LDLRAD4: variants seen among roughly 807,000 people sequenced by gnomAD.
LDLRAD4 encodes low density lipoprotein receptor class A domain containing 4.
A neutral mutation model predicts 17.0 loss-of-function variants in LDLRAD4; 5 were observed. The ratio of observed to expected loss-of-function variants is 0.29; its 90% CI spans 0.15 to 0.62. LDLRAD4 has a LOEUF of 0.62. Among genes scored for constraint, LDLRAD4 ranks in the 20% least tolerant of loss-of-function variants. The probability of loss-of-function intolerance (pLI) is 0.84; values close to 1 mark genes in which losing one functional copy is unlikely to be tolerated. For synonymous variants in LDLRAD4, 168 were observed against 171.8 expected, an observed-to-expected ratio of 0.98 and a Z score of 0.17; for missense variants, 340 against 424.7, an observed-to-expected ratio of 0.80 and a Z score of 1.75.
rs142988114 is a variant in LDLRAD4, at chr18:13,544,708, T to C, written c.182-76409T>C. 1.6e-3 allele frequency among the ~76,000 whole-genome samples: 244 copies of C among 152,226 alleles called. 7 individuals are homozygous for C. In the East Asian group the frequency reaches 0.043, roughly 27 times the overall value. On this transcript the variant is annotated intron_variant, in intron 3 of 5. Coordinates refer to ENST00000359446, the Ensembl canonical transcript of LDLRAD4. Reference sequence around the variant, plus strand: ...AACTGCAACCTGTTGACAGTGAAGCTAAAGTCCGAACACACCCGTCACCTT... The same window carrying C: ...AACTGCAACCTGTTGACAGTGAAGCCAAAGTCCGAACACACCCGTCACCTT...
chr18:13,297,253 G>T (rs2046327489), intron 1 of LDLRAD4, among the ~76,000 whole-genome samples: 1 of 152,208 alleles, frequency 6.6e-6, no homozygotes, highest in African/African-American at 2.4e-5. Flanking sequence ...CTGCATTTTG[G>T]AAGGGACTTT....
chr18:13,642,990 C>T (rs930361934), intron 4 of LDLRAD4, among the ~76,000 whole-genome samples: 1 of 150,636 alleles, frequency 6.6e-6, no homozygotes, highest in Non-Finnish European at 1.5e-5. Context: ...GGCTGGAGTG[C>T]AGTGGCAAGA....
At chr18:13,469,069 A>G (rs1371770501) in intron 3 of LDLRAD4, among the ~76,000 whole-genome samples, 3 of 152,228 alleles carry the variant, frequency 2.0e-5, no homozygotes, top group Non-Finnish European at 4.4e-5. Flanking sequence ...AAAAATGGGC[A>G]AAGGGCTTAA....
intron 1 of LDLRAD4, among the ~76,000 whole-genome samples, chr18:13,311,548 T>A (rs1232072766): frequency 6.6e-6 from 1 of 152,186 alleles, no homozygotes; most frequent in African/African-American, 2.4e-5. Context: ...CACTGGGCAA[T>A]GTTTCCAGCT....
rs118080025 is a variant in LDLRAD4 at position 13,288,402 on chromosome 18, A to G, written c.-383+10214A>G. Among the ~76,000 whole-genome samples, 3 of 152,350 alleles carry G rather than the reference A, an allele frequency of 2.0e-5. No individual in the cohort carries two copies. The East Asian group carries it at 5.8e-4, about 29-fold the overall frequency. On this transcript the variant is annotated intron_variant, in intron 1 of 5. Transcript: ENST00000359446. Reference sequence around the variant, plus strand: ...TTAGCTATCCATATTAGAGTTGTTTATATTAAAATTGTGTCCAATTTATAG... The same window carrying G: ...TTAGCTATCCATATTAGAGTTGTTTGTATTAAAATTGTGTCCAATTTATAG...
chr18:13,620,901 T>C, intron 3 of LDLRAD4: 2 of 626,252 alleles, frequency 3.2e-6, no homozygotes, highest in East Asian at 2.7e-5. Context: ...GGCAGAGGCT[T>C]CCCGCTCCCC....
At chr18:13,236,369 G>C (rs568668667) in intron 1 of LDLRAD4, 1 of 142,144 alleles carries the variant, frequency 7.0e-6, no homozygotes, top group African/African-American at 2.7e-5. Context: ...GAGTGCAGTA[G>C]TGCGATCTCG....
At chr18:13,364,158 A>T (rs1305661257) in intron 1 of LDLRAD4, among the ~76,000 whole-genome samples, 1 of 152,234 alleles carries the variant, frequency 6.6e-6, no homozygotes, top group African/African-American at 2.4e-5. Flanking sequence ...AAAGATATAT[A>T]TGCAGAATCA....
chr18:13,599,117 A>G (rs1568388418), intron 3 of LDLRAD4, among the ~76,000 whole-genome samples: 1 of 152,222 alleles, frequency 6.6e-6, no homozygotes, highest in Non-Finnish European at 1.5e-5. Flanking sequence ...AACCTCTGCA[A>G]CAGGGACGTG....
At chr18:13,585,756 A>G (rs938188337) in intron 3 of LDLRAD4, among the ~76,000 whole-genome samples, 1 of 152,212 alleles carries the variant, frequency 6.6e-6, no homozygotes, top group Non-Finnish European at 1.5e-5. Context: ...ACTGAACACA[A>G]ACTGGCGTTG....
At chr18:13,363,903 G>T (rs576723214) in intron 1 of LDLRAD4, among the ~76,000 whole-genome samples, 1 of 152,138 alleles carries the variant, frequency 6.6e-6, no homozygotes, top group Non-Finnish European at 1.5e-5. Flanking sequence ...TGCTTGTCAG[G>T]TTCAAAAGTC....
At chr18:13,578,855 T>TTTTTTTTG (rs1400353235) in intron 3 of LDLRAD4, among the ~76,000 whole-genome samples, 1 of 140,538 alleles carries the variant, frequency 7.1e-6, no homozygotes, top group African/African-American at 2.7e-5. Context: ...TTTTTTTTTT[T>TTTTTTTTG]GTCAGAGATC....
At chr18:13,587,615 A>G (rs1004687623) in intron 3 of LDLRAD4, among the ~76,000 whole-genome samples, 3 of 152,274 alleles carry the variant, frequency 2.0e-5, no homozygotes, top group Middle Eastern at 3.4e-3. Flanking sequence ...CCCACCTCCA[A>G]TAGACACATG....
intron 1 of LDLRAD4, among the ~76,000 whole-genome samples, chr18:13,363,666 T>C (rs971018752): frequency 6.6e-6 from 1 of 152,220 alleles, no homozygotes; most frequent in African/African-American, 2.4e-5. Context: ...CTGACAATGA[T>C]GATGCTAGTT....
chr18:13,491,837 G>A (rs533504111), intron 3 of LDLRAD4, among the ~76,000 whole-genome samples: 24 of 152,280 alleles, frequency 1.6e-4, no homozygotes, highest in African/African-American at 5.1e-4. Context: ...TCTGCACCAC[G>A]TCAGGCCAAA....
At chr18:13,446,332 G>A (rs1312695199) in intron 3 of LDLRAD4, among the ~76,000 whole-genome samples, 2 of 152,284 alleles carry the variant, frequency 1.3e-5, no homozygotes, top group African/African-American at 4.8e-5. Context: ...TATTTTTCCA[G>A]TAAGATAGGG....
intron 1 of LDLRAD4, among the ~76,000 whole-genome samples, chr18:13,345,038 T>C (rs1315553614): frequency 6.6e-6 from 1 of 152,250 alleles, no homozygotes; most frequent in Admixed American, 6.5e-5. Flanking sequence ...CAGGGACAAT[T>C]TGACTTCCTC....
intron 3 of LDLRAD4, chr18:13,471,269 A>G (rs949438074): frequency 6.6e-6 from 1 of 152,136 alleles, no homozygotes; most frequent in African/African-American, 2.4e-5. Context: ...GGCTGTGTGT[A>G]GATCACAGCA....
intron 2 of LDLRAD4, among the ~76,000 whole-genome samples, chr18:13,397,316 T>G (rs1038798248): frequency 6.6e-6 from 1 of 152,176 alleles, no homozygotes. Flanking sequence ...CCTAATTTTT[T>G]GTATTTTTAG....
Sources: allele counts gnomAD v4.1 joint callset (sites outside exome capture counted in the v4.1 genomes callset), GRCh38; gene constraint gnomAD v4.1.1; transcripts MANE v1.5; gene names NCBI Gene and HGNC (gene_info 2026-07-23, HGNC 2026-07-21).